SNTG1: variants seen among roughly 807,000 people sequenced by gnomAD.
The protein encoded by SNTG1 is syntrophin gamma 1, also known as gamma-1-syntrophin.
A neutral mutation model predicts 74.7 loss-of-function variants in SNTG1; 39 were observed. That is an observed-to-expected ratio of 0.52 (90% CI 0.40 to 0.68). The LOEUF is 0.68. Among genes scored for constraint, SNTG1 ranks in the 30% least tolerant of loss-of-function variants. The pLI is 0.00. For missense variants in SNTG1, 685 were observed against 609.5 expected, an observed-to-expected ratio of 1.12 and a Z score of -1.30; for synonymous variants, 254 against 217.1, an observed-to-expected ratio of 1.17 and a Z score of -1.49.
chr8:49,988,517 A>C (rs1813384614), intron 1 of SNTG1, among the ~76,000 whole-genome samples: 1 of 152,160 alleles, frequency 6.6e-6, no homozygotes, highest in Non-Finnish European at 1.5e-5. Context: ...CACAATCAAT[A>C]ATTGAAATGA....
At chr8:50,787,315 TA>T (rs1212250919) in intron 18 of SNTG1, among the ~76,000 whole-genome samples, 1 of 151,870 alleles carries the variant, frequency 6.6e-6, no homozygotes, top group African/African-American at 2.4e-5. Flanking sequence ...ATGGTTATAA[TA>T]TTTTTTTAAA....
Position 50,796,202 on chromosome 8 carries a change from A to T in SNTG1, c.*3373A>T, listed in dbSNP as rs1802802843. ...ACGATAATTTAGAATTACTGCTAGA[A>T]ATCAGCAGTGTGGAGAAGCTTTAAA... On this transcript the variant is annotated 3_prime_UTR_variant, in exon 19 of 19. Coordinates refer to ENST00000642720, the MANE Select transcript of SNTG1 (RefSeq NM_018967.5). The T allele has an allele frequency of 1.3e-5, 2 of 152,094 alleles. No homozygotes were observed. The highest frequency in any genetic ancestry group is 4.1e-4 in the South Asian group (2 of 4,834). 9.4% of individuals were successfully genotyped at this position (152,094 alleles called of 1,614,324 possible).
At chr8:50,393,954 G>T (rs1473717680) in intron 2 of SNTG1, among the ~76,000 whole-genome samples, 1 of 152,286 alleles carries the variant, frequency 6.6e-6, no homozygotes, top group East Asian at 1.9e-4. Context: ...CTGGCGGGGT[G>T]GAAAGGTGCC....
intron 13 of SNTG1, among the ~76,000 whole-genome samples, chr8:50,612,790 C>T (rs2094859787): frequency 6.6e-6 from 1 of 152,258 alleles, no homozygotes; most frequent in African/African-American, 2.4e-5. Flanking sequence ...GAGTCGTGGG[C>T]AGTTTCAGGT....
chr8:50,427,767 AC>A (rs149585155), intron 4 of SNTG1, among the ~76,000 whole-genome samples: 4,026 of 152,302 alleles, frequency 0.026, 163 homozygotes, highest in African/African-American at 0.091. Flanking sequence ...TATTCTCAGA[AC>A]AAATTTACTC....
chr8:50,750,107 T>C (rs1449268174), intron 17 of SNTG1, among the ~76,000 whole-genome samples: 2 of 152,056 alleles, frequency 1.3e-5, no homozygotes, highest in African/African-American at 4.8e-5. Flanking sequence ...AAAATATCAA[T>C]ATAAATAGGG....
chr8:50,713,087 C>T (rs1007610855), intron 17 of SNTG1, among the ~76,000 whole-genome samples: 3 of 152,168 alleles, frequency 2.0e-5, no homozygotes, highest in African/African-American at 7.2e-5. Context: ...CTGTCTTCCA[C>T]AATGGTTGAA....
intron 2 of SNTG1, among the ~76,000 whole-genome samples, chr8:50,265,866 G>A (rs1164799144): frequency 6.6e-6 from 1 of 151,480 alleles, no homozygotes; most frequent in Non-Finnish European, 1.5e-5. Context: ...GAAATACTTT[G>A]GAATAAATTT....
At chr8:50,623,165 T>C (rs2094934342) in intron 13 of SNTG1, among the ~76,000 whole-genome samples, 1 of 152,100 alleles carries the variant, frequency 6.6e-6, no homozygotes, top group South Asian at 2.1e-4. Context: ...ACACATTTAT[T>C]CTTTGTGATC....
intron 13 of SNTG1, among the ~76,000 whole-genome samples, chr8:50,625,616 C>T (rs2094951341): frequency 6.6e-6 from 1 of 152,150 alleles, no homozygotes; most frequent in Non-Finnish European, 1.5e-5. Context: ...CATAGATAAT[C>T]CCACTCACAC....
intron 17 of SNTG1, chr8:50,709,256 T>C (rs2095454690): frequency 2.5e-6 from 1 of 397,138 alleles, no homozygotes; most frequent in South Asian, 1.2e-4. Flanking sequence ...CCCTGTTTTT[T>C]AAAGATATGA....
chr8:50,376,871 T>C (rs1268367051), intron 2 of SNTG1, among the ~76,000 whole-genome samples: 1 of 151,482 alleles, frequency 6.6e-6, no homozygotes, highest in Non-Finnish European at 1.5e-5. Flanking sequence ...GTTACACACT[T>C]TGATCAGTTG....
At chr8:50,153,984 A>C (rs1300631087) in intron 1 of SNTG1, among the ~76,000 whole-genome samples, 2 of 152,192 alleles carry the variant, frequency 1.3e-5, no homozygotes, top group East Asian at 3.9e-4. Context: ...TTGTTAGGCT[A>C]TGCCCTGCCT....
Position 50,402,439 on chromosome 8 carries a change from A to G in SNTG1, c.162+95A>G, listed in dbSNP as rs2092818946. The G allele has an allele frequency of 4.3e-6, 6 of 1,401,702 alleles. No individual in the cohort carries two copies. The South Asian group carries it at 7.1e-5, about 17-fold the overall frequency. The allele number at this position is 1,401,702 out of a possible 1,614,324, so 86.8% of individuals were successfully genotyped here. A position where few individuals can be genotyped will look rare whatever the true frequency, so the allele number is the denominator to read the frequency against. Reference sequence around the variant, plus strand: ...GGCATTTTAAATATGTTTTTCTTTCAGTGTCTAGTCAATGGTTCTGCATGG... The same window carrying G: ...GGCATTTTAAATATGTTTTTCTTTCGGTGTCTAGTCAATGGTTCTGCATGG... On this transcript the variant is annotated intron_variant, in intron 4 of 18. Transcript: ENST00000642720.
chr8:50,436,887 T>C (rs953718542), intron 4 of SNTG1, among the ~76,000 whole-genome samples: 1 of 152,138 alleles, frequency 6.6e-6, no homozygotes, highest in African/African-American at 2.4e-5. Flanking sequence ...TTTATATGTG[T>C]AGGTTTTGCG....
intron 13 of SNTG1, among the ~76,000 whole-genome samples, chr8:50,644,916 G>T (rs1441365637): frequency 1.4e-5 from 2 of 138,974 alleles, no homozygotes; most frequent in African/African-American, 5.7e-5. Flanking sequence ...CTATGCCCAG[G>T]TGCTTTTTTT....
At chr8:50,162,559 CAAAAAAAAAAA>C (rs34746562) in intron 1 of SNTG1, among the ~76,000 whole-genome samples, 1 of 83,962 alleles carries the variant, frequency 1.2e-5, no homozygotes, top group East Asian at 4.2e-4. Context: ...GACTCTGTCT[CAAAAAAAAAAA>C]AAAAAAAGAA....
At chr8:50,558,932 T>C (rs2094471775) in intron 12 of SNTG1, among the ~76,000 whole-genome samples, 1 of 152,224 alleles carries the variant, frequency 6.6e-6, no homozygotes, top group Non-Finnish European at 1.5e-5. Flanking sequence ...TTGCCTATGA[T>C]GTGTCAGATA....
At chr8:50,123,853 A>C (rs550696610) in intron 1 of SNTG1, among the ~76,000 whole-genome samples, 1 of 142,692 alleles carries the variant, frequency 7.0e-6, no homozygotes, top group South Asian at 2.6e-4. Flanking sequence ...GCCCAAGTCC[A>C]TACAGGTAGT....
Sources: allele counts gnomAD v4.1 joint callset (sites outside exome capture counted in the v4.1 genomes callset), GRCh38; gene constraint gnomAD v4.1.1; transcripts MANE v1.5; gene names NCBI Gene and HGNC (gene_info 2026-07-23, HGNC 2026-07-21).